ZPBP: variants seen among roughly 807,000 people sequenced by gnomAD.
ZPBP encodes the protein zona pellucida binding protein.
Under a neutral mutation model 44.8 loss-of-function variants are expected in ZPBP, and 26 were observed. The ratio of observed to expected loss-of-function variants is 0.58; its 90% CI spans 0.43 to 0.81. ZPBP has a LOEUF of 0.81. Ranked by LOEUF, ZPBP falls within the 30% of genes least tolerant of loss-of-function variation. The probability of loss-of-function intolerance (pLI) is 0.00; values close to 1 mark genes in which losing one functional copy is unlikely to be tolerated. For synonymous variants in ZPBP, 174 were observed against 153.2 expected (o/e 1.14, Z -1.00); for missense variants, 409 against 434.0 (o/e 0.94, Z 0.51).
downstream of ZPBP, among the ~76,000 whole-genome samples, chr7:49,933,278 A>G (rs569223670): frequency 2.7e-3 from 185 of 67,738 alleles, no homozygotes; most frequent in Middle Eastern, 0.013. Flanking sequence ...TTATGAAACT[A>G]TAAGTGATAT....
intron 7 of ZPBP, among the ~76,000 whole-genome samples, chr7:49,981,461 A>ATATAATTATATATAATATATAT (rs1796925755): frequency 1.6e-5 from 1 of 60,794 alleles, no homozygotes; most frequent in Non-Finnish European, 2.8e-5. Context: ...ACATATAATA[A>ATATAATTATATATAATATATAT]TATATATAAT....
intron 6 of ZPBP, among the ~76,000 whole-genome samples, chr7:50,015,590 G>A (rs994037275): frequency 3.9e-5 from 6 of 152,086 alleles, no homozygotes; most frequent in Non-Finnish European, 7.4e-5. Context: ...CTTCTGCACA[G>A]CAAAAGAAAC....
intron 7 of ZPBP, among the ~76,000 whole-genome samples, chr7:49,953,907 C>A (rs531829669): frequency 8.5e-5 from 13 of 152,132 alleles, no homozygotes; most frequent in Non-Finnish European, 1.2e-4. Flanking sequence ...AGATTCAATA[C>A]AATCCCTGTC....
chr7:50,039,789 A>G (rs1308573628), intron 4 of ZPBP, among the ~76,000 whole-genome samples: 1 of 152,198 alleles, frequency 6.6e-6, no homozygotes, highest in East Asian at 1.9e-4. Context: ...ACGTAAAATA[A>G]TAACAAGGTA....
At chr7:50,087,696 A>T (rs1185382957) in intron 2 of ZPBP, among the ~76,000 whole-genome samples, 1 of 152,104 alleles carries the variant, frequency 6.6e-6, no homozygotes, top group Admixed American at 6.5e-5. Flanking sequence ...AAGTAATAAA[A>T]TATTTAGGAG....
At chr7:49,937,205 G>C (rs577745023), downstream of ZPBP, among the ~76,000 whole-genome samples, 2 of 152,188 alleles carry the variant, frequency 1.3e-5, no homozygotes, top group South Asian at 4.2e-4. Flanking sequence ...TGGATCTAGT[G>C]AACATATAGT....
At chr7:50,041,508 A>T (rs1178273229) in intron 4 of ZPBP, among the ~76,000 whole-genome samples, 1 of 152,238 alleles carries the variant, frequency 6.6e-6, no homozygotes, top group Admixed American at 6.5e-5. Flanking sequence ...GGTGATACCT[A>T]GGCAAAGAAG....
chr7:49,887,332 T>A (rs1791945489), intron 2 of ZPBP, among the ~76,000 whole-genome samples: 1 of 152,212 alleles, frequency 6.6e-6, no homozygotes, highest in Non-Finnish European at 1.5e-5. Flanking sequence ...GATTTGCAAT[T>A]GATTTGTTTT....
chr7:49,926,455 T>G (rs1437913865), intron 1 of ZPBP, among the ~76,000 whole-genome samples: 1 of 152,244 alleles, frequency 6.6e-6, no homozygotes, highest in Non-Finnish European at 1.5e-5. Flanking sequence ...TTCTCATTCC[T>G]TTTCAAAGCA....
chr7:49,933,294 CCT>C (rs35282374), downstream of ZPBP, among the ~76,000 whole-genome samples: 118,070 of 151,898 alleles, frequency 0.78, 46,054 homozygotes, highest in East Asian at 0.89. Context: ...GATATTTTCC[CCT>C]GACTTCTAAT....
At chr7:49,961,529 C>G (rs998594225) in intron 7 of ZPBP, among the ~76,000 whole-genome samples, 1 of 151,998 alleles carries the variant, frequency 6.6e-6, no homozygotes, top group Non-Finnish European at 1.5e-5. Context: ...CATTGTGATG[C>G]CTGCATGGGT....
At chr7:49,907,119 G>A (rs1793145875) in intron 1 of ZPBP, among the ~76,000 whole-genome samples, 1 of 152,130 alleles carries the variant, frequency 6.6e-6, no homozygotes, top group Admixed American at 6.5e-5. Context: ...GTGAAAAAAA[G>A]CAAAGTACAC....
intron 6 of ZPBP, among the ~76,000 whole-genome samples, chr7:49,990,412 G>C (rs1056370233): frequency 4.6e-5 from 7 of 152,174 alleles, no homozygotes; most frequent in Admixed American, 1.3e-4. Flanking sequence ...ATGAAAGAAA[G>C]AGGGATGCCT....
intron 1 of ZPBP, among the ~76,000 whole-genome samples, chr7:49,902,264 GA>G (rs1284203029): frequency 2.0e-5 from 3 of 151,770 alleles, no homozygotes; most frequent in Non-Finnish European, 4.4e-5. Flanking sequence ...CAGACTGGAA[GA>G]AAACATTTGC....
chr7:49,872,735 G>A (rs140196522), intron 2 of ZPBP, among the ~76,000 whole-genome samples: 4,178 of 132,626 alleles, frequency 0.032, 170 homozygotes, highest in South Asian at 0.14. Flanking sequence ...GTGAAACCCC[G>A]TCTCTACAAA....
intron 3 of ZPBP, among the ~76,000 whole-genome samples, chr7:50,068,297 G>A (rs965648370): frequency 1.3e-5 from 2 of 152,110 alleles, no homozygotes; most frequent in African/African-American, 2.4e-5. Flanking sequence ...CGTTCTTCTT[G>A]GCTTATATGA....
intron 6 of ZPBP, among the ~76,000 whole-genome samples, chr7:49,995,172 C>T (rs954305629): frequency 6.6e-6 from 1 of 152,216 alleles, no homozygotes; most frequent in African/African-American, 2.4e-5. Context: ...CACTCAATAT[C>T]TCCACTTAGC....
chr7:50,037,449 G>A (rs977458182), intron 4 of ZPBP, among the ~76,000 whole-genome samples: 2 of 152,214 alleles, frequency 1.3e-5, no homozygotes, highest in African/African-American at 4.8e-5. Flanking sequence ...TCTGCAGGCT[G>A]TACAGAAGCA....
intron 2 of ZPBP, among the ~76,000 whole-genome samples, chr7:49,884,643 C>T (rs536717898): frequency 6.6e-6 from 1 of 152,276 alleles, no homozygotes; most frequent in South Asian, 2.1e-4. Context: ...TTATATAGGA[C>T]AGTTGAGCTG....
Sources: gnomAD v4.1 joint callset for allele counts (sites outside exome capture counted in the v4.1 genomes callset) on GRCh38, gnomAD v4.1.1 for gene constraint, MANE v1.5 for transcripts, NCBI Gene and HGNC (gene_info 2026-07-23, HGNC 2026-07-21) for gene names.